Variants in TRIM40 observed in about 807,000 individuals in gnomAD.
The protein encoded by TRIM40 is E3 ubiquitin ligase TRIM40.
In TRIM40, 27 loss-of-function variants were observed where a neutral mutation model predicts 26.1. The ratio of observed to expected loss-of-function variants is 1.04; its 90% confidence interval spans 0.76 to 1.43. The LOEUF is 1.43. Among genes scored for constraint, TRIM40 ranks in the 40% most tolerant of loss-of-function variants. The pLI is 0.00. For missense variants in TRIM40, 289 were observed against 307.9 expected (o/e 0.94, Z 0.46); for synonymous variants, 114 against 120.0 (o/e 0.95, Z 0.33).
intron 2 of TRIM40, among the ~76,000 whole-genome samples, chr6:30,143,731 T>C (rs1771486430): frequency 6.6e-6 from 1 of 152,202 alleles, no homozygotes; most frequent in South Asian, 2.1e-4. Context: ...ATTTATATTA[T>C]ATGCACCCAT....
At chr6:30,147,600 A>T in intron 5 of TRIM40, 58 bp downstream of exon 5, 1 of 1,613,892 alleles carries the variant, frequency 6.2e-7, no homozygotes, top group South Asian at 1.1e-5. Flanking sequence ...CAACACAGAC[A>T]TGCACAGAGG....
chr6:30,144,130 C>T lies in TRIM40; in HGVS notation c.346-1864C>T, dbSNP rs371683121. The stretch of plus-strand genomic sequence containing the variant: ...AGTTCAGTGAGCAGAGAGAGAATCC[C>T]GGACAATGTCAGTTGGGGCTGGGTC... On this transcript the variant is annotated intron_variant, in intron 2 of 5. Transcript: ENST00000396581. Among the ~76,000 whole-genome samples, 65 of 152,168 alleles carry T rather than the reference C, an allele frequency of 4.3e-4. 1 individual carries two copies. Among genetic ancestry groups the T allele is most frequent in the African/African-American group, 1.2e-3 (50 of 41,498 alleles).
Position 30,146,077 on chromosome 6 carries a change from G to A in TRIM40, c.429G>A (p.Leu143=). The change falls in exon 3 of 6, where the codon CTG becomes CTA. Residue 143 remains leucine, a synonymous_variant. Coordinates refer to ENST00000396581, the MANE Select transcript of TRIM40 (RefSeq NM_001286633.2). ...TCAAGGCTCAGCAGGAGAAGAAACT[G>A]CAGGCTCTGCAGGTGGGTTTTTCGG... ...QRLKAQQEKK[L]QALQFQVDHG... 6.2e-7 allele frequency: 1 copy of A among 1,612,796 alleles called. No homozygotes were observed. The highest frequency in any genetic ancestry group is 8.5e-7 in the Non-Finnish European group (1 of 1,179,914).
chr6:30,144,187 T>C (rs1317038464), intron 2 of TRIM40, among the ~76,000 whole-genome samples: 1 of 151,940 alleles, frequency 6.6e-6, no homozygotes, highest in Non-Finnish European at 1.5e-5. Context: ...GTGAAGGAGT[T>C]TGGGCTTATC....
In TRIM40 at chr6:30,137,319, G is replaced by A; in HGVS notation, c.283G>A (p.Val95Met). Reference protein sequence around the residue: ...SRLLLCVECLVSPEHMSHHEL... With the variant: ...SRLLLCVECLMSPEHMSHHEL... ...ACTTCTTCTATGTGTGGAATGCCTG[G>A]TGTCCCCTGAACACATGTCTCATCA... Residue 95 changes from valine to methionine, a missense_variant, in exon 2 of 6, where the codon GTG becomes ATG. Transcript: ENST00000396581. 1 of 1,612,868 alleles carries A rather than the reference G, an allele frequency of 6.2e-7. No homozygotes were observed. The highest frequency in any genetic ancestry group is 1.7e-4 in the Middle Eastern group (1 of 6,054).
At chr6:30,147,563 T>C in intron 5 of TRIM40, 21 bp downstream of exon 5, 1 of 1,614,236 alleles carries the variant, frequency 6.2e-7, no homozygotes, top group Non-Finnish European at 8.5e-7. Flanking sequence ...TCCCTTCTTC[T>C]TTCCCACATG....
rs201192657 is a variant in TRIM40, at chr6:30,146,049, G to A, written c.401G>A (p.Arg134Gln). The change falls in exon 3 of 6, where the codon CGG (arginine) becomes CAG (glutamine). Residue 134 changes from arginine to glutamine, a missense_variant. Physicochemically the swap from Arg to Gln is conservative, Grantham distance 43. Coordinates refer to ENST00000396581, the MANE Select transcript of TRIM40 (RefSeq NM_001286633.2). ...AGAAAGGACATTGCAGAACTTCAGCGGCTCAAGGCTCAGCAGGAGAAGAAA... is the reference window on the plus strand; with the variant it reads ...AGAAAGGACATTGCAGAACTTCAGCAGCTCAAGGCTCAGCAGGAGAAGAAA... Reference protein sequence around the residue: ...KLRKDIAELQRLKAQQEKKLQ... With the variant: ...KLRKDIAELQQLKAQQEKKLQ... The A allele has an allele frequency of 1.5e-4, 247 of 1,612,998 alleles. 2 individuals carry two copies. The Admixed American group carries it at 2.1e-3, about 14-fold the overall frequency.
In TRIM40 at chr6:30,137,023, G is replaced by C; in HGVS notation, c.-14G>C. ...GCCCTGCAAACAGGAGGCTGACAGG[G>C]TAGGAACGAGGCCATGATCCCTTTG... is the stretch of plus-strand genomic sequence containing the variant. On this transcript the variant is annotated 5_prime_UTR_variant, in exon 2 of 6. Transcript: ENST00000396581. 6.2e-7 allele frequency: 1 copy of C among 1,608,808 alleles called. No homozygotes were observed. Among genetic ancestry groups the C allele is most frequent in the Non-Finnish European group, 8.5e-7 (1 of 1,177,410 alleles).
chr6:30,147,418 G>C, intron 4 of TRIM40, 102 bp from the exon 5 acceptor site: 1 of 1,568,882 alleles, frequency 6.4e-7, no homozygotes, highest in Non-Finnish European at 8.8e-7. Flanking sequence ...CAGTTCTCAA[G>C]GTGGCACCCC....
At chr6:30,142,126 C>T (rs1771386375) in intron 2 of TRIM40, among the ~76,000 whole-genome samples, 1 of 151,882 alleles carries the variant, frequency 6.6e-6, no homozygotes, top group Admixed American at 6.6e-5. Flanking sequence ...ATTTTTTCAC[C>T]ATATCTCTAT....
In TRIM40 at chr6:30,137,227, T is replaced by A. The variant is rs1311174461; in HGVS notation, c.191T>A (p.Val64Glu). ...TGCCGGAAGCCCTGTTCTGAGGAGGTGCTAGGGACAGGCTATATCTGCCCC... is the reference window on the plus strand; with the variant it reads ...TGCCGGAAGCCCTGTTCTGAGGAGGAGCTAGGGACAGGCTATATCTGCCCC... ...PLCRKPCSEE[V>E]LGTGYICPNH... The change falls in exon 2 of 6, where the codon GTG becomes GAG. Residue 64 changes from valine to glutamate, a missense_variant. Coordinates refer to ENST00000396581, the MANE Select transcript of TRIM40 (RefSeq NM_001286633.2). The A allele has an allele frequency of 1.9e-6, 3 of 1,612,982 alleles. No homozygotes were observed. Among genetic ancestry groups the A allele is most frequent in the Admixed American group, 1.7e-5 (1 of 60,020 alleles).
At position 30,141,869 on chromosome 6, in the gene TRIM40, G is replaced by A. The variant is rs112306875; in HGVS notation, c.346-4125G>A. 2.5e-3 allele frequency among the ~76,000 whole-genome samples: 388 copies of A among 152,326 alleles called. 1 individual carries two copies. The highest frequency in any genetic ancestry group is 4.3e-3 in the Non-Finnish European group (290 of 68,026). ...AGAAACTATGTAGGGTTGGCAGACA[G>A]TATGTAGCACCAATTTGAGGTCTGA... On this transcript the variant is annotated intron_variant, in intron 2 of 5. Coordinates refer to ENST00000396581, the MANE Select transcript of TRIM40 (RefSeq NM_001286633.2).
chr6:30,142,224 C>T (rs745346100), intron 2 of TRIM40, among the ~76,000 whole-genome samples: 11 of 151,882 alleles, frequency 7.2e-5, no homozygotes, highest in African/African-American at 1.7e-4. Context: ...CTAAAAAGAC[C>T]GAAAAATTTA....
Position 30,147,805 on chromosome 6 carries a change from A to T in TRIM40, c.770A>T (p.Lys257Met). The T allele has an allele frequency of 6.2e-7, 1 of 1,614,066 alleles. No homozygotes were observed. The highest frequency in any genetic ancestry group is 8.5e-7 in the Non-Finnish European group (1 of 1,179,952). ...GAATTGCTTCTTCAGCCCCCTCAGA[A>T]GCTCTGACCTGTTCATCCCTGGGAC... ...VSELLLQPPQ[K>M]L is the part of the protein sequence containing the mutation. Residue 257 changes from lysine (K) to methionine (M), a missense_variant, in exon 6 of 6, where the codon AAG becomes ATG. Lys to Met is a moderately conservative substitution (Grantham distance 95). Coordinates refer to ENST00000396581, the MANE Select transcript of TRIM40 (RefSeq NM_001286633.2).
At chr6:30,137,767 C>A (rs9261473) in intron 2 of TRIM40, among the ~76,000 whole-genome samples, 28,416 of 152,170 alleles carry the variant, frequency 0.19, 3,081 homozygotes, top group East Asian at 0.24. Context: ...AATTATCCTG[C>A]AAATATATTA....
intron 2 of TRIM40, among the ~76,000 whole-genome samples, chr6:30,137,929 C>A (rs562719322): frequency 1.1e-4 from 17 of 152,192 alleles, no homozygotes; most frequent in Admixed American, 1.1e-3. Context: ...GTAATAAATT[C>A]AGAAAGCACT....
At chr6:30,139,200 T>C (rs973470426) in intron 2 of TRIM40, among the ~76,000 whole-genome samples, 34 of 152,092 alleles carry the variant, frequency 2.2e-4, no homozygotes, top group African/African-American at 7.7e-4. Flanking sequence ...AAGTAAAAAC[T>C]TAGTAAGTTC....
In TRIM40 at chr6:30,136,770, GAA is replaced by G; in HGVS notation, c.-265_-264del. 2.1e-6 allele frequency: 1 copy of G among 486,296 alleles called. No individual in the cohort carries two copies. The highest frequency in any genetic ancestry group is 3.6e-6 in the Non-Finnish European group (1 of 277,000). 30.1% of individuals were successfully genotyped at this position (486,296 alleles called of 1,614,324 possible). A position where few individuals can be genotyped will look rare whatever the true frequency, so the allele number is the denominator to read the frequency against. ...TAATTTCAAGTTTAACAAACACAAG[GAA>G]ACCGCAGGGTCCATGTCAAAGCTGA... is the stretch of plus-strand genomic sequence containing the variant. On this transcript the variant is annotated 5_prime_UTR_variant, in exon 2 of 6. It removes the in-frame stop codon of an upstream open reading frame in the 5' UTR. Coordinates refer to ENST00000396581, the MANE Select transcript of TRIM40 (RefSeq NM_001286633.2).
chr6:30,148,401 G>T lies in TRIM40; in HGVS notation c.*589G>T, dbSNP rs1771801479. The T allele has an allele frequency of 6.3e-6, 1 of 158,912 alleles. No individual in the cohort carries two copies. The highest frequency in any genetic ancestry group is 1.4e-5 in the Non-Finnish European group (1 of 71,728). 9.8% of individuals were successfully genotyped at this position (158,912 alleles called of 1,614,324 possible). ...TTCTAATGAATGGAATAAGGCAAAG[G>T]TGATAGGGTGTCACTCTGGCAACTG... is the stretch of plus-strand genomic sequence containing the variant. On this transcript the variant is annotated 3_prime_UTR_variant, in exon 6 of 6. Transcript: ENST00000396581.
Sources: gnomAD v4.1 joint callset for allele counts (sites outside exome capture counted in the v4.1 genomes callset) on GRCh38, gnomAD v4.1.1 for gene constraint, MANE v1.5 for transcripts, NCBI Gene and HGNC (gene_info 2026-07-23, HGNC 2026-07-21) for gene names.